The following MAPK14 variants were observed in gnomAD, a reference collection of about 807,000 sequenced individuals.
MAPK14 encodes the protein CSAID-binding protein.
A neutral mutation model predicts 49.6 loss-of-function variants in MAPK14; 16 were observed. The observed-to-expected ratio is 0.32, with a 90% CI of 0.22 to 0.49. The LOEUF (loss-of-function observed/expected upper bound fraction) is 0.49. MAPK14 is among the 20% of genes least tolerant of loss of function. The pLI is 0.99. For missense variants in MAPK14, 200 were observed against 441.2 expected (o/e 0.45, Z 4.90); for synonymous variants, 142 against 158.0 (o/e 0.90, Z 0.76).
chr6:36,118,890 C>G, the MAPK14 span, among the ~76,000 whole-genome samples: 1 of 152,030 alleles, frequency 6.6e-6, no homozygotes, highest in Non-Finnish European at 1.5e-5. Context: ...CCAGTCCTCT[C>G]CCCAGCCTCC....
At chr6:36,051,559 C>T (rs17714205) in intron 1 of MAPK14, among the ~76,000 whole-genome samples, 13,141 of 152,230 alleles carry the variant, frequency 0.086, 698 homozygotes, top group Middle Eastern at 0.12. Context: ...CTTTCTGTCA[C>T]TCACTCCAGC....
intron 1 of MAPK14, among the ~76,000 whole-genome samples, chr6:36,049,060 C>G (rs190534795): frequency 6.6e-6 from 1 of 152,146 alleles, no homozygotes; most frequent in East Asian, 1.9e-4. Context: ...GATATAGACT[C>G]CAGGATGGAC....
At chr6:36,044,732 T>A (rs1323416224) in intron 1 of MAPK14, among the ~76,000 whole-genome samples, 1 of 152,014 alleles carries the variant, frequency 6.6e-6, no homozygotes, top group Non-Finnish European at 1.5e-5. Flanking sequence ...TTAAAAATAA[T>A]AAACAAAAAG....
At chr6:36,035,618 CCAAA>C (rs1233925220) in intron 1 of MAPK14, among the ~76,000 whole-genome samples, 2 of 152,180 alleles carry the variant, frequency 1.3e-5, no homozygotes, top group Non-Finnish European at 2.9e-5. Context: ...GCTTCTTGTA[CCAAA>C]CAGCCAATTT....
Position 36,108,574 on chromosome 6 carries a change from G to T in MAPK14, c.*127G>T. 1 of 515,554 alleles carries T rather than the reference G, an allele frequency of 1.9e-6. No individual in the cohort carries two copies. The highest frequency in any genetic ancestry group is 3.9e-5 in the East Asian group (1 of 25,838). The allele number at this position is 515,554 out of a possible 1,614,324, so 31.9% of individuals were successfully genotyped here. ...TCCTCCATGGTGGAAGGGGGTGTGC[G>T]TGCGTGTGCGTGCGTGTTAGTGTGT... On this transcript the variant is annotated 3_prime_UTR_variant, in exon 12 of 12. Transcript: ENST00000229794.
intron 10 of MAPK14, among the ~76,000 whole-genome samples, chr6:36,104,471 T>C (rs2127474664): frequency 6.6e-6 from 1 of 152,150 alleles, no homozygotes; most frequent in East Asian, 1.9e-4. Context: ...CATTGCAAGC[T>C]CCACCTCCCG....
At chr6:36,114,383 G>A (rs376104095), downstream of MAPK14, among the ~76,000 whole-genome samples, 3 of 152,296 alleles carry the variant, frequency 2.0e-5, no homozygotes, top group East Asian at 1.9e-4. Context: ...TTGGGAGGCC[G>A]AGGTGGGCGG....
In MAPK14 at chr6:36,028,635, C is replaced by G. The variant is rs1315768517; in HGVS notation, c.116+362C>G. ...TCCCTGCCTACCTGGAGCAGAAGGA[C>G]CCTCTCCCGTGATGCGCCCACGCTG... On this transcript the variant is annotated intron_variant, in intron 1 of 11. Transcript: ENST00000229794. This position sits in a 1 kb window ranked among gnomAD's most constrained non-coding sequence, Gnocchi z 5.1. 6.6e-6 allele frequency among the ~76,000 whole-genome samples: 1 copy of G among 152,136 alleles called. No homozygotes were observed. The highest frequency in any genetic ancestry group is 1.5e-5 in the Non-Finnish European group (1 of 68,022).
At chr6:36,044,573 C>T (rs769798322) in intron 1 of MAPK14, among the ~76,000 whole-genome samples, 1 of 152,148 alleles carries the variant, frequency 6.6e-6, no homozygotes, top group Non-Finnish European at 1.5e-5. Flanking sequence ...ATCTCTATAC[C>T]TATCAAAAGC....
Position 36,059,346 on chromosome 6 carries a change from G to A in MAPK14, c.304G>A (p.Val102Met). The A allele has an allele frequency of 6.2e-7, 1 of 1,610,096 alleles. No individual in the cohort carries two copies. The highest frequency in any genetic ancestry group is 2.2e-5 in the East Asian group (1 of 44,846). ...AAGGTCTCTGGAGGAATTCAATGATGTGTGAGTAAATTTTTTGCATTTGCC... is the reference window on the plus strand; with the variant it reads ...AAGGTCTCTGGAGGAATTCAATGATATGTGAGTAAATTTTTTGCATTTGCC... Reference protein sequence around the residue: ...PARSLEEFNDVYLVTHLMGAD... With the variant: ...PARSLEEFNDMYLVTHLMGAD... The change falls in exon 3 of 12, where the codon GTG becomes ATG. Residue 102 changes from valine (V) to methionine (M), a missense_variant and splice_region_variant. By Grantham distance (21) the Val-to-Met change is conservative. Transcript: ENST00000229794.
intron 3 of MAPK14, among the ~76,000 whole-genome samples, chr6:36,064,321 G>GTT (rs1323101959): frequency 7.4e-6 from 1 of 135,716 alleles, no homozygotes. Context: ...CGCAAGCATA[G>GTT]TAGACAAGAA....
chr6:36,061,012 A>G (rs1763800359), intron 3 of MAPK14, among the ~76,000 whole-genome samples: 1 of 152,210 alleles, frequency 6.6e-6, no homozygotes, highest in Admixed American at 6.5e-5. Context: ...AGATTACTGG[A>G]TGTTACTCAG....
chr6:36,030,725 CT>C (rs1467986208), intron 1 of MAPK14, among the ~76,000 whole-genome samples: 1 of 151,336 alleles, frequency 6.6e-6, no homozygotes, highest in Non-Finnish European at 1.5e-5. Context: ...GAAAAGTCTC[CT>C]TTCCTTTTTG....
chr6:36,122,423 CACAG>C, the MAPK14 span, among the ~76,000 whole-genome samples: 3 of 152,230 alleles, frequency 2.0e-5, no homozygotes, highest in African/African-American at 4.8e-5. Context: ...ATCAGCTGCA[CACAG>C]ACAGAGATGC....
chr6:36,092,364 G>T (rs1165874076), intron 8 of MAPK14: 4 of 659,042 alleles, frequency 6.1e-6, no homozygotes, highest in Non-Finnish European at 1.1e-5. Context: ...TGAGTTCCCT[G>T]CAGGGAACTC....
the MAPK14 span, among the ~76,000 whole-genome samples, chr6:36,121,108 A>C: frequency 6.6e-6 from 1 of 152,022 alleles, no homozygotes; most frequent in African/African-American, 2.4e-5. Context: ...GACAGGTCAC[A>C]AACAGCTCAA....
chr6:36,047,382 C>G (rs1275968169), intron 1 of MAPK14, among the ~76,000 whole-genome samples: 1 of 152,116 alleles, frequency 6.6e-6, no homozygotes, highest in African/African-American at 2.4e-5. Flanking sequence ...GCTAGCAGAA[C>G]ATAGCAGCTG....
chr6:36,075,674 C>G, intron 6 of MAPK14, 174 bp from the exon 7 acceptor site: 1 of 813,812 alleles, frequency 1.2e-6, no homozygotes, highest in Non-Finnish European at 2.0e-6. Context: ...TAAGTTCTTG[C>G]TGTATATTTA....
chr6:36,066,741 GGTGT>G (rs10653139), intron 3 of MAPK14, among the ~76,000 whole-genome samples: 4 of 149,568 alleles, frequency 2.7e-5, no homozygotes, highest in South Asian at 2.1e-4. Context: ...ATGAATTCTG[GGTGT>G]GTGTGTGTGT....
Sources: allele counts gnomAD v4.1 joint callset (sites outside exome capture counted in the v4.1 genomes callset), GRCh38; gene constraint gnomAD v4.1.1; non-coding constraint Gnocchi (gnomAD v3.1); transcripts MANE v1.5; gene names NCBI Gene and HGNC (gene_info 2026-07-23, HGNC 2026-07-21).